The following MED1 variants were observed in gnomAD, a reference collection of about 807,000 sequenced individuals.
MED1 encodes the protein mediator complex subunit 1.
Under a neutral mutation model 121.3 loss-of-function variants are expected in MED1, and 17 were observed. The observed-to-expected ratio is 0.14, with a 90% CI of 0.10 to 0.21. The LOEUF is 0.21. MED1 is among the 10% of genes least tolerant of loss of function. MED1 has a pLI of 1.00. For synonymous variants in MED1, 661 were observed against 694.4 expected, an observed-to-expected ratio of 0.95 and a Z score of 0.76; for missense variants, 1,558 against 1,919.4, an observed-to-expected ratio of 0.81 and a Z score of 3.52.
chr17:39,432,090 C>A (rs927169083), intron 7 of MED1, 74 bp from the exon 8 acceptor site: 165 of 1,099,304 alleles, frequency 1.5e-4, no homozygotes, highest in Non-Finnish European at 2.0e-4. Flanking sequence ...AGCCTGTAAT[C>A]CCAGCACCTT....
chr17:39,447,358 C>G (rs904376375), intron 2 of MED1, among the ~76,000 whole-genome samples: 1 of 151,094 alleles, frequency 6.6e-6, no homozygotes, highest in African/African-American at 2.4e-5. Context: ...GCTATTACAA[C>G]CCAGCCTGGG....
Position 39,407,908 on chromosome 17 carries a change from C to T in MED1, c.4313G>A (p.Gly1438Asp). The stretch of plus-strand genomic sequence containing the variant: ...GCCACGCTCATGCTTTGGAGTGGAA[C>T]CACTGATGAGTGGAGAGCCATAGTT... The part of the protein sequence containing the change: ...SKNYGSPLIS[G>D]STPKHERGSP... The change falls in exon 17 of 17, where the codon GGT becomes GAT. Residue 1438 changes from glycine (G) to aspartate (D), a missense_variant. Gly to Asp is a moderately conservative substitution (Grantham distance 94). Coordinates refer to ENST00000300651, the MANE Select transcript of MED1 (RefSeq NM_004774.4). The T allele has an allele frequency of 6.2e-7, 1 of 1,614,084 alleles. No homozygotes were observed. Among genetic ancestry groups the T allele is most frequent in the Non-Finnish European group, 8.5e-7 (1 of 1,180,030 alleles).
At chr17:39,436,140 A>G (rs2048616411) in intron 6 of MED1, among the ~76,000 whole-genome samples, 1 of 152,000 alleles carries the variant, frequency 6.6e-6, no homozygotes, top group South Asian at 2.1e-4. Flanking sequence ...AGGCGGGCAG[A>G]TCACGAGGTC....
rs528375162 is a variant in MED1 at position 39,431,040 on chromosome 17, A to G, written c.649+75T>C. On this transcript the variant is annotated intron_variant, in intron 9 of 16. Transcript: ENST00000300651. ...TCTCAAAAAAATAAACAAACAAACT[A>G]AAGGTGAAATGAAAAGTAATGACCC... The G allele has an allele frequency of 9.0e-6, 12 of 1,331,106 alleles. No individual in the cohort carries two copies. The African/African-American group carries it at 1.5e-4, about 16-fold the overall frequency. 82.5% of individuals were successfully genotyped at this position (1,331,106 alleles called of 1,614,324 possible).
intron 14 of MED1, among the ~76,000 whole-genome samples, chr17:39,416,074 C>T (rs77393257): frequency 0.011 from 1,678 of 151,784 alleles, 35 homozygotes; most frequent in African/African-American, 0.039. Context: ...GAAACTAAAT[C>T]GCACACTTTT....
At chr17:39,412,592 G>C (rs2048367517) in intron 16 of MED1, among the ~76,000 whole-genome samples, 1 of 147,368 alleles carries the variant, frequency 6.8e-6, no homozygotes, top group African/African-American at 2.5e-5. Flanking sequence ...AGGCTGGAGT[G>C]CAGTGGCATG....
intron 6 of MED1, among the ~76,000 whole-genome samples, chr17:39,437,506 A>G (rs2048631375): frequency 1.3e-5 from 2 of 152,210 alleles, no homozygotes; most frequent in Admixed American, 1.3e-4. Context: ...GCTATTAAAC[A>G]TAATAGAATG....
At chr17:39,450,623 C>T (rs191152210) in intron 1 of MED1, among the ~76,000 whole-genome samples, 122 of 152,288 alleles carry the variant, frequency 8.0e-4, no homozygotes, top group African/African-American at 2.7e-3. Context: ...GATCTGAACA[C>T]TTGACATTGT....
At position 39,423,606 on chromosome 17, in the gene MED1, ATGTAAGAC is replaced by A. The variant is rs1392833358; in HGVS notation, c.976+83_976+90del. The A allele has an allele frequency of 1.0e-5, 16 of 1,548,984 alleles. 1 individual carries two copies. In the East Asian group the frequency reaches 3.6e-4, roughly 35 times the overall value. ...TTTACCAGTAATACTTCAATGAGGC[ATGTAAGAC>A]TGAAAGACGTCATGATAACCTGACT... On this transcript the variant is annotated intron_variant, in intron 12 of 16. Coordinates refer to ENST00000300651, the MANE Select transcript of MED1 (RefSeq NM_004774.4).
intron 13 of MED1, among the ~76,000 whole-genome samples, chr17:39,422,855 C>T (rs1013148884): frequency 5.0e-5 from 7 of 141,146 alleles, no homozygotes; most frequent in African/African-American, 7.5e-5. Context: ...AATACATTTC[C>T]GAGATTTCTT....
chr17:39,415,254 G>A lies in MED1; in HGVS notation c.1383C>T (p.Ser461=). 1 of 1,613,002 alleles carries A rather than the reference G, an allele frequency of 6.2e-7. No individual in the cohort carries two copies. Among genetic ancestry groups the A allele is most frequent in the Non-Finnish European group, 8.5e-7 (1 of 1,178,992 alleles). The part of the protein sequence containing the change: ...SVSFQHPVND[S]LVCVVMDVQD... ...ACCCACACAACTCACCACACACCAG[G>A]GAGTCATTCACAGGGTGCTGAAAAG... Residue 461 remains serine, a synonymous_variant, in exon 15 of 17, where the codon TCC becomes TCT. Transcript: ENST00000300651.
At position 39,415,348 on chromosome 17, in the gene MED1, C is replaced by T; in HGVS notation, c.1298-9G>A. ...GAGAAGCCCAGGAGAATCTAAAAGG[C>T]AAAGAGAAAGATCATAAAACAACCA... On this transcript the variant is annotated splice_polypyrimidine_tract_variant and intron_variant, in intron 14 of 16. Coordinates refer to ENST00000300651, the MANE Select transcript of MED1 (RefSeq NM_004774.4). 3 of 1,601,282 alleles carry T rather than the reference C, an allele frequency of 1.9e-6. No individual in the cohort carries two copies. Among genetic ancestry groups the T allele is most frequent in the Non-Finnish European group, 2.6e-6 (3 of 1,169,646 alleles).
At position 39,408,233 on chromosome 17, in the gene MED1, C is replaced by A. The variant is rs1246702577; in HGVS notation, c.3988G>T (p.Gly1330Trp). Residue 1330 changes from glycine (G) to tryptophan (W), a missense_variant, in exon 17 of 17, where the codon GGG becomes TGG. Around this residue, in one of 5 missense-constraint regions of MED1, gnomAD observed 264 missense variants for 326.1 expected, o/e 0.81. Transcript: ENST00000300651. This position sits in a 1 kb window ranked among gnomAD's most constrained non-coding sequence, Gnocchi z 4.7. ...TGGCTGGAAGAATTTGTGCTCACCC[C>A]CATCTGGCCGTCCAGTGGGTCTTCA... ...GGEDPLDGQM[G>W]VSTNSSSHPM... 1 of 1,614,062 alleles carries A rather than the reference C, an allele frequency of 6.2e-7. No individual in the cohort carries two copies. Among genetic ancestry groups the A allele is most frequent in the East Asian group, 2.2e-5 (1 of 44,886 alleles).
At chr17:39,424,113 C>T (rs1426428349) in intron 11 of MED1, among the ~76,000 whole-genome samples, 1 of 152,086 alleles carries the variant, frequency 6.6e-6, no homozygotes, top group Non-Finnish European at 1.5e-5. Context: ...GAACTCCTGA[C>T]CTCAGGTGTT....
intron 1 of MED1, 90 bp downstream of exon 1, chr17:39,450,947 TG>T (rs1411799994): frequency 8.9e-6 from 10 of 1,117,500 alleles, no homozygotes; most frequent in Middle Eastern, 2.0e-4. Flanking sequence ...GCCCCTAAAG[TG>T]GCCCCCATGG....
At chr17:39,436,314 G>C (rs1206366758) in intron 6 of MED1, among the ~76,000 whole-genome samples, 1 of 144,432 alleles carries the variant, frequency 6.9e-6, no homozygotes, top group East Asian at 2.0e-4. Flanking sequence ...TGAGCAGAGA[G>C]CACACCACTG....
chr17:39,416,743 T>C (rs1401862935), intron 14 of MED1, among the ~76,000 whole-genome samples: 1 of 152,094 alleles, frequency 6.6e-6, no homozygotes, highest in Non-Finnish European at 1.5e-5. Flanking sequence ...CCCAACACTT[T>C]GGGACACTGA....
At chr17:39,436,369 GAAA>G (rs10712248) in intron 6 of MED1, among the ~76,000 whole-genome samples, 8 of 114,914 alleles carry the variant, frequency 7.0e-5, no homozygotes, top group Admixed American at 1.9e-4. Flanking sequence ...TCAAAAAAAA[GAAA>G]AAAAAAAAAA....
chr17:39,407,106 T>C lies in MED1; in HGVS notation c.*369A>G. The C allele has an allele frequency of 2.0e-6, 2 of 1,002,368 alleles. No individual in the cohort carries two copies. Among genetic ancestry groups the C allele is most frequent in the Non-Finnish European group, 2.4e-6 (2 of 840,926 alleles). 62.1% of individuals were successfully genotyped at this position (1,002,368 alleles called of 1,614,324 possible). ...CTTCATATACATGCACTAAAATGAG[T>C]TTAAAACATGGCCTAAAAATGGAAA... On this transcript the variant is annotated 3_prime_UTR_variant, in exon 17 of 17. Transcript: ENST00000300651.
Sources: allele counts gnomAD v4.1 joint callset (sites outside exome capture counted in the v4.1 genomes callset), GRCh38; gene constraint gnomAD v4.1.1; regional missense constraint gnomAD v4.1.1; non-coding constraint Gnocchi (gnomAD v3.1); transcripts MANE v1.5; gene names NCBI Gene and HGNC (gene_info 2026-07-23, HGNC 2026-07-21).